DHX32: variants seen among roughly 807,000 people sequenced by gnomAD.
The protein encoded by DHX32 is putative pre-mRNA-splicing factor ATP-dependent RNA helicase DHX32.
In DHX32, 51 loss-of-function variants were observed where a neutral mutation model predicts 70.0. That is an observed-to-expected ratio of 0.73 (90% CI 0.58 to 0.92). The LOEUF (loss-of-function observed/expected upper bound fraction) is 0.92. DHX32 is among the 40% of genes least tolerant of loss of function. The pLI is 0.00. For missense variants in DHX32, 762 were observed against 891.8 expected (o/e 0.85, Z 1.85); for synonymous variants, 310 against 315.3 (o/e 0.98, Z 0.18).
intron 6 of DHX32, among the ~76,000 whole-genome samples, chr10:125,847,793 T>A (rs577665959): frequency 2.0e-5 from 3 of 152,262 alleles, no homozygotes; most frequent in Admixed American, 2.0e-4. Flanking sequence ...TGACAGATCA[T>A]CAGGCATTAG....
At chr10:125,863,267 A>C (rs1944200640) in intron 2 of DHX32, among the ~76,000 whole-genome samples, 1 of 152,060 alleles carries the variant, frequency 6.6e-6, no homozygotes, top group Non-Finnish European at 1.5e-5. Context: ...ACTGTTTCAA[A>C]AAAGGCCAGA....
intron 1 of DHX32, among the ~76,000 whole-genome samples, chr10:125,870,300 T>TA (rs1190253230): frequency 6.6e-6 from 1 of 152,066 alleles, no homozygotes; most frequent in Non-Finnish European, 1.5e-5. Context: ...AGAATTTCAG[T>TA]ACTGAAAGAA....
upstream of DHX32, among the ~76,000 whole-genome samples, chr10:125,885,124 G>A (rs965465090): frequency 2.8e-4 from 42 of 152,024 alleles, no homozygotes; most frequent in African/African-American, 1.0e-3. Context: ...CTCCCAACAT[G>A]TACCCCAAAG....
rs142037862 is a variant in DHX32 at position 125,850,695 on chromosome 10, C to T, written c.1351+1598G>A. Reference sequence around the variant, plus strand: ...TGCATTTTCCCCTGTTTTCATGAGGCGTTGCCTTATCTAACGTGCCATGCC... The same window carrying T: ...TGCATTTTCCCCTGTTTTCATGAGGTGTTGCCTTATCTAACGTGCCATGCC... On this transcript the variant is annotated intron_variant, in intron 6 of 10. Coordinates refer to ENST00000284690, the MANE Select transcript of DHX32 (RefSeq NM_018180.3). 5.6e-4 allele frequency among the ~76,000 whole-genome samples: 86 copies of T among 152,286 alleles called. 1 individual carries two copies. The East Asian group carries it at 0.016, about 29-fold the overall frequency.
At chr10:125,874,007 G>A (rs993044929) in intron 1 of DHX32, among the ~76,000 whole-genome samples, 3 of 152,174 alleles carry the variant, frequency 2.0e-5, no homozygotes, top group African/African-American at 7.2e-5. Context: ...TAGAGAAGGA[G>A]AAATAAGCAA....
chr10:125,839,658 C>A (rs1854815379), intron 8 of DHX32, among the ~76,000 whole-genome samples: 1 of 152,160 alleles, frequency 6.6e-6, no homozygotes, highest in South Asian at 2.1e-4. Flanking sequence ...ATGATAAGAA[C>A]AGGATTACTA....
At chr10:125,875,321 GA>G (rs1025559871) in intron 1 of DHX32, among the ~76,000 whole-genome samples, 13 of 148,624 alleles carry the variant, frequency 8.7e-5, no homozygotes, top group Admixed American at 5.4e-4. Context: ...GACTCCTGGA[GA>G]AAAAAAAAAT....
At chr10:125,881,796 T>C (rs1043441638), upstream of DHX32, among the ~76,000 whole-genome samples, 3 of 152,156 alleles carry the variant, frequency 2.0e-5, no homozygotes, top group Admixed American at 2.0e-4. Context: ...TGTACACCAC[T>C]ATGTCCAGCT....
intron 1 of DHX32, among the ~76,000 whole-genome samples, chr10:125,889,451 G>C (rs1173568392): frequency 6.6e-6 from 1 of 152,152 alleles, no homozygotes; most frequent in Non-Finnish European, 1.5e-5. Context: ...TGGAGAGCGG[G>C]ATCACTGGTC....
At chr10:125,849,024 G>A (rs1238528431) in intron 6 of DHX32, among the ~76,000 whole-genome samples, 2 of 152,074 alleles carry the variant, frequency 1.3e-5, no homozygotes, top group Non-Finnish European at 1.5e-5. Flanking sequence ...CTCAATATGG[G>A]GACCATCTAC....
At chr10:125,867,679 T>C (rs886898847) in intron 1 of DHX32, among the ~76,000 whole-genome samples, 1 of 139,354 alleles carries the variant, frequency 7.2e-6, no homozygotes, top group East Asian at 2.1e-4. Flanking sequence ...GAGCTTGCAG[T>C]GAGCAGAGAT....
At chr10:125,889,663 G>T (rs1944358663) in intron 1 of DHX32, among the ~76,000 whole-genome samples, 1 of 152,230 alleles carries the variant, frequency 6.6e-6, no homozygotes, top group Admixed American at 6.5e-5. Flanking sequence ...CAGTAAGTCT[G>T]CACTGGCCCT....
rs1356475426 is a variant in DHX32 at position 125,836,514 on chromosome 10, G to A, written c.*173C>T. 2 of 1,344,202 alleles carry A rather than the reference G, an allele frequency of 1.5e-6. No homozygotes were observed. The highest frequency in any genetic ancestry group is 1.9e-6 in the Non-Finnish European group (2 of 1,031,012). 83.3% of individuals were successfully genotyped at this position (1,344,202 alleles called of 1,614,324 possible). On this transcript the variant is annotated 3_prime_UTR_variant, in exon 11 of 11. Transcript: ENST00000284690. ...GAAAAGCATGGAGTAGTAATTTAAAGAACTCAATAAAAACTTCTATTTTTT... is the reference window on the plus strand; with the variant it reads ...GAAAAGCATGGAGTAGTAATTTAAAAAACTCAATAAAAACTTCTATTTTTT...
At position 125,852,296 on chromosome 10, in the gene DHX32, G is replaced by A; in HGVS notation, c.1348C>T (p.Pro450Ser). 1 of 1,613,882 alleles carries A rather than the reference G, an allele frequency of 6.2e-7. No homozygotes were observed. Among genetic ancestry groups the A allele is most frequent in the Non-Finnish European group, 8.5e-7 (1 of 1,179,948 alleles). The part of the protein sequence containing the change: ...GLGHCDFMNR[P>S]APESLMQALE... ...TGACATGGGAGCATAAGGCTACCTGGTCTGTTCATGAAGTCACAGTGGCCT... is the reference window on the plus strand; with the variant it reads ...TGACATGGGAGCATAAGGCTACCTGATCTGTTCATGAAGTCACAGTGGCCT... The change falls in exon 6 of 11, where the codon CCA becomes TCA. Residue 450 changes from proline to serine, a missense_variant. By Grantham distance (74) the Pro-to-Ser change is moderately conservative. Coordinates refer to ENST00000284690, the MANE Select transcript of DHX32 (RefSeq NM_018180.3).
chr10:125,851,802 T>C (rs1944092442), intron 6 of DHX32, among the ~76,000 whole-genome samples: 1 of 151,544 alleles, frequency 6.6e-6, no homozygotes, highest in African/African-American at 2.4e-5. Context: ...GCACCTGTGG[T>C]CCCAGCTATT....
chr10:125,840,777 T>A, intron 8 of DHX32, 70 bp downstream of exon 8: 3 of 1,461,760 alleles, frequency 2.1e-6, no homozygotes, highest in Non-Finnish European at 2.7e-6. Context: ...GATGAATAAC[T>A]AATAAGGACT....
chr10:125,868,538 G>C (rs943681999), intron 1 of DHX32, among the ~76,000 whole-genome samples: 1 of 152,164 alleles, frequency 6.6e-6, no homozygotes, highest in Admixed American at 6.5e-5. Flanking sequence ...AAAGGCAAAT[G>C]CACTTCCTGC....
At position 125,880,764 on chromosome 10, in the gene DHX32, A is replaced by T; in HGVS notation, c.61T>A (p.Ser21Thr). Residue 21 changes from serine to threonine, a missense_variant, in exon 1 of 11, where the codon TCC becomes ACC. Coordinates refer to ENST00000284690, the MANE Select transcript of DHX32 (RefSeq NM_018180.3). ...TCATCCCCATCGCTGGAATCCAGGG[A>T]TTCAGGAAAATAGCGTTTTTCAGAG... ...SSSEKRYFPE[S>T]LDSSDGDEEE... 1 of 1,614,190 alleles carries T rather than the reference A, an allele frequency of 6.2e-7. No homozygotes were observed. Among genetic ancestry groups the T allele is most frequent in the Non-Finnish European group, 8.5e-7 (1 of 1,180,026 alleles).
At chr10:125,854,429 T>C (rs1944128619) in intron 3 of DHX32, 2 of 351,012 alleles carry the variant, frequency 5.7e-6, no homozygotes, top group Admixed American at 4.7e-5. Flanking sequence ...CCATTTAATT[T>C]TGTTAGATTT....
Sources: allele counts gnomAD v4.1 joint callset (sites outside exome capture counted in the v4.1 genomes callset), GRCh38; gene constraint gnomAD v4.1.1; transcripts MANE v1.5; gene names NCBI Gene and HGNC (gene_info 2026-07-23, HGNC 2026-07-21).